Variants in COL24A1 observed in about 807,000 individuals in gnomAD.
COL24A1 encodes the protein collagen alpha-1(XXIV) chain.
A neutral mutation model predicts 253.9 loss-of-function variants in COL24A1; 224 were observed. The ratio of observed to expected loss-of-function variants is 0.88; its 90% CI spans 0.79 to 0.99. The LOEUF is 0.99. Ranked by LOEUF, COL24A1 falls within the 50% of genes least tolerant of loss-of-function variation. COL24A1 has a pLI of 0.00. For synonymous variants in COL24A1, 685 were observed against 673.7 expected (o/e 1.02, Z -0.26); for missense variants, 2,131 against 2,068.5 (o/e 1.03, Z -0.59).
chr1:85,914,454 G>A (rs778771387), intron 24 of COL24A1, among the ~76,000 whole-genome samples: 1 of 149,966 alleles, frequency 6.7e-6, no homozygotes, highest in South Asian at 2.1e-4. Flanking sequence ...GCAATGGCGC[G>A]ATCCTGGCTC....
At chr1:85,853,680 T>C (rs1209941122) in intron 37 of COL24A1, among the ~76,000 whole-genome samples, 2 of 152,224 alleles carry the variant, frequency 1.3e-5, no homozygotes, top group East Asian at 3.8e-4. Flanking sequence ...TATGAGATGG[T>C]ATCTCATTGT....
Position 86,022,558 on chromosome 1 carries a change from G to A in COL24A1, c.2182C>T (p.Pro728Ser), listed in dbSNP as rs763897064. ...EQGTAGELGE[P>S]GYPGDKGAVG... The stretch of plus-strand genomic sequence containing the variant: ...ATTACCTTGTCTCCAGGATACCCGG[G>A]TTCTCCTAGCTCTCCTGCTGTGCCT... The change falls in exon 17 of 60, where the codon CCC (proline) becomes TCC (serine). Residue 728 changes from proline (P) to serine (S), a missense_variant. Coordinates refer to ENST00000370571, the MANE Select transcript of COL24A1 (RefSeq NM_152890.7). 3.1e-6 allele frequency: 5 copies of A among 1,612,686 alleles called. No individual in the cohort carries two copies. In the Admixed American group the frequency reaches 8.4e-5, roughly 27 times the overall value.
chr1:86,110,271 T>A (rs1705413045), intron 5 of COL24A1, among the ~76,000 whole-genome samples: 1 of 151,866 alleles, frequency 6.6e-6, no homozygotes, highest in African/African-American at 2.4e-5. Context: ...ATTAAATATT[T>A]TATGTTTAGT....
At chr1:86,023,568 C>T (rs1697753789) in intron 14 of COL24A1, among the ~76,000 whole-genome samples, 1 of 152,020 alleles carries the variant, frequency 6.6e-6, no homozygotes, top group Non-Finnish European at 1.5e-5. Context: ...GTTTATTCAT[C>T]ATTTAATATT....
chr1:85,870,909 G>A lies in COL24A1; in HGVS notation c.3139-2074C>T, dbSNP rs181646354. 2.2e-4 allele frequency among the ~76,000 whole-genome samples: 33 copies of A among 152,232 alleles called. No homozygotes were observed. In the East Asian group the frequency reaches 6.0e-3, roughly 28 times the overall value. On this transcript the variant is annotated intron_variant, in intron 35 of 59. Transcript: ENST00000370571. ...CTTCAAAAAATCAATGAATCCAAGA[G>A]CTGGTGTTTTGAAAAGATCAACAAA...
chr1:85,732,740 C>G (rs930444356), intron 59 of COL24A1, among the ~76,000 whole-genome samples: 1 of 152,152 alleles, frequency 6.6e-6, no homozygotes, highest in Non-Finnish European at 1.5e-5. Flanking sequence ...TGTGCCTTTA[C>G]TTTCATACCT....
At chr1:85,777,881 T>C (rs1034508803) in intron 52 of COL24A1, among the ~76,000 whole-genome samples, 5 of 152,178 alleles carry the variant, frequency 3.3e-5, no homozygotes, top group African/African-American at 7.2e-5. Context: ...TGTCTTTTTA[T>C]TATAAAACAA....
Position 86,044,555 on chromosome 1 carries a change from A to G in COL24A1, c.1950+2270T>C, listed in dbSNP as rs180981254. Among the ~76,000 whole-genome samples the G allele has an allele frequency of 2.4e-3, 371 of 152,306 alleles. 10 individuals are homozygous for G. In the East Asian group the frequency reaches 0.046, roughly 19 times the overall value. On this transcript the variant is annotated intron_variant, in intron 12 of 59. Transcript: ENST00000370571. ...ATCTAAATCTATTACAAATGCATAT[A>G]TTTTAAAAGCAATAAAACTTTGAAA...
At position 86,126,065 on chromosome 1, in the gene COL24A1, C is replaced by T. The variant is rs758503239; in HGVS notation, c.271G>A (p.Glu91Lys). 6.2e-6 allele frequency: 10 copies of T among 1,613,358 alleles called. No individual in the cohort carries two copies. In the Admixed American group the frequency reaches 8.4e-5, roughly 13 times the overall value. ...GGTAAAATTTTCACGAAAGGTGTCT[C>T]GATATAAGCATCATTTTTAAAAATG... is the stretch of plus-strand genomic sequence containing the variant. ...GVIFKNDAYI[E>K]TPFVKILPVN... Residue 91 changes from glutamate to lysine, a missense_variant, in exon 3 of 60, where the codon GAG becomes AAG. Glu to Lys is a moderately conservative substitution (Grantham distance 56, BLOSUM62 1). Coordinates refer to ENST00000370571, the MANE Select transcript of COL24A1 (RefSeq NM_152890.7).
intron 20 of COL24A1, among the ~76,000 whole-genome samples, chr1:85,983,148 T>C (rs1293540044): frequency 1.3e-5 from 2 of 152,074 alleles, no homozygotes; most frequent in African/African-American, 4.8e-5. Flanking sequence ...ACAGCCTCTT[T>C]TAGCATCCCT....
chr1:85,774,140 G>A (rs1287305958), intron 53 of COL24A1, among the ~76,000 whole-genome samples: 4 of 152,080 alleles, frequency 2.6e-5, no homozygotes, highest in African/African-American at 9.7e-5. Flanking sequence ...TGTGGTTTTC[G>A]TCTTTGTTTC....
At chr1:85,982,418 T>C (rs945390852) in intron 20 of COL24A1, among the ~76,000 whole-genome samples, 1 of 152,084 alleles carries the variant, frequency 6.6e-6, no homozygotes, top group Non-Finnish European at 1.5e-5. Flanking sequence ...AGGGGGTGTA[T>C]TTCATGTTAT....
At chr1:85,966,784 G>C (rs1691607696) in intron 22 of COL24A1, among the ~76,000 whole-genome samples, 1 of 152,104 alleles carries the variant, frequency 6.6e-6, no homozygotes, top group Non-Finnish European at 1.5e-5. Flanking sequence ...TTGTATTGTA[G>C]TGGTGGGAAC....
chr1:85,965,850 T>A (rs188728454), intron 22 of COL24A1, among the ~76,000 whole-genome samples: 1 of 152,160 alleles, frequency 6.6e-6, no homozygotes, highest in Non-Finnish European at 1.5e-5. Flanking sequence ...GCTGAAGAAT[T>A]GAGAGAAGAC....
intron 1 of COL24A1, among the ~76,000 whole-genome samples, chr1:86,147,835 C>CA (rs1652123873): frequency 6.6e-6 from 1 of 152,200 alleles, no homozygotes; most frequent in Admixed American, 6.5e-5. Flanking sequence ...AATTTTATAA[C>CA]ATGACATGAC....
intron 20 of COL24A1, among the ~76,000 whole-genome samples, chr1:85,980,471 T>A (rs1167178571): frequency 1.3e-5 from 2 of 152,112 alleles, no homozygotes; most frequent in African/African-American, 4.8e-5. Context: ...GATAAATAGA[T>A]TCAGTAAAGT....
chr1:85,810,964 C>T (rs796591242), intron 47 of COL24A1, among the ~76,000 whole-genome samples: 4 of 152,098 alleles, frequency 2.6e-5, no homozygotes, highest in African/African-American at 9.7e-5. Context: ...TCTTGTCTTC[C>T]TGGAAGACAA....
intron 12 of COL24A1, among the ~76,000 whole-genome samples, chr1:86,044,243 T>C (rs1699730803): frequency 6.6e-6 from 1 of 152,208 alleles, no homozygotes; most frequent in Non-Finnish European, 1.5e-5. Context: ...GAAGATGATT[T>C]TATTTATAAT....
intron 19 of COL24A1, among the ~76,000 whole-genome samples, chr1:86,008,031 G>A (rs1465968491): frequency 2.0e-5 from 3 of 151,984 alleles, no homozygotes; most frequent in African/African-American, 7.3e-5. Flanking sequence ...CTCTTGTAGA[G>A]GATAATAGGA....
Sources: allele counts gnomAD v4.1 joint callset (sites outside exome capture counted in the v4.1 genomes callset), GRCh38; gene constraint gnomAD v4.1.1; transcripts MANE v1.5; gene names NCBI Gene and HGNC (gene_info 2026-07-23, HGNC 2026-07-21).